CTIF: variants seen among roughly 807,000 people sequenced by gnomAD.
CTIF encodes the protein CBP80/20-dependent translation initiation factor.
A neutral mutation model predicts 66.0 loss-of-function variants in CTIF; 21 were observed. That is an observed-to-expected ratio of 0.32 (90% CI 0.23 to 0.46). The LOEUF (loss-of-function observed/expected upper bound fraction) is 0.46. CTIF is among the 20% of genes least tolerant of loss of function. The pLI is 1.00. For synonymous variants in CTIF, 345 were observed against 326.4 expected, an observed-to-expected ratio of 1.06 and a Z score of -0.62; for missense variants, 739 against 812.7, an observed-to-expected ratio of 0.91 and a Z score of 1.10.
chr18:48,568,679 G>A (rs1224647903), intron 1 of CTIF, among the ~76,000 whole-genome samples: 12 of 71,778 alleles, frequency 1.7e-4, no homozygotes, highest in African/African-American at 4.1e-4. Context: ...GAGGTTTAAT[G>A]GACTCACAGT....
At chr18:48,696,575 T>A (rs1025186578) in intron 6 of CTIF, among the ~76,000 whole-genome samples, 7 of 152,374 alleles carry the variant, frequency 4.6e-5, no homozygotes, top group African/African-American at 1.7e-4. Context: ...CCCTTCTCTT[T>A]GCAAGCTGAT....
chr18:48,540,732 G>GT (rs1467728729), intron 1 of CTIF, among the ~76,000 whole-genome samples: 3 of 152,068 alleles, frequency 2.0e-5, no homozygotes, highest in Non-Finnish European at 4.4e-5. Flanking sequence ...TCCGGTGTGT[G>GT]TGGGGGGCGG....
At chr18:48,839,811 A>T (rs1348451180) in intron 10 of CTIF, among the ~76,000 whole-genome samples, 2 of 151,964 alleles carry the variant, frequency 1.3e-5, no homozygotes, top group Non-Finnish European at 2.9e-5. Flanking sequence ...GAGAAGTTGG[A>T]CTTGTTGTGC....
At chr18:48,744,761 G>A (rs961319749) in intron 7 of CTIF, among the ~76,000 whole-genome samples, 5 of 151,964 alleles carry the variant, frequency 3.3e-5, no homozygotes, top group African/African-American at 1.2e-4. Flanking sequence ...CTAGACTGTG[G>A]GCTGCATTCG....
intron 1 of CTIF, among the ~76,000 whole-genome samples, chr18:48,594,862 A>G (rs896235175): frequency 6.6e-6 from 1 of 152,192 alleles, no homozygotes; most frequent in African/African-American, 2.4e-5. Flanking sequence ...GCATGCCCTG[A>G]GGATGTGCTG....
At chr18:48,603,166 T>TGGATGGATGGG (rs2090129693) in intron 1 of CTIF, among the ~76,000 whole-genome samples, 1 of 81,218 alleles carries the variant, frequency 1.2e-5, no homozygotes, top group Non-Finnish European at 2.5e-5. Context: ...GGATGGATGG[T>TGGATGGATGGG]TGGATGGATA....
At chr18:48,585,527 C>T (rs907914618) in intron 1 of CTIF, among the ~76,000 whole-genome samples, 3 of 152,150 alleles carry the variant, frequency 2.0e-5, no homozygotes, top group African/African-American at 7.2e-5. Context: ...GCCTGGACAC[C>T]CACACCATCC....
At chr18:48,828,252 C>T (rs1301194246) in intron 10 of CTIF, among the ~76,000 whole-genome samples, 1 of 152,106 alleles carries the variant, frequency 6.6e-6, no homozygotes, top group African/African-American at 2.4e-5. Flanking sequence ...ATTTCTAAAC[C>T]AATCTCAACA....
intron 1 of CTIF, among the ~76,000 whole-genome samples, chr18:48,590,034 G>A (rs2089855780): frequency 6.6e-6 from 1 of 152,198 alleles, no homozygotes; most frequent in African/African-American, 2.4e-5. Context: ...TGATTGCTCT[G>A]GAAGTTCATT....
chr18:48,743,147 G>A (rs934293136), intron 7 of CTIF, among the ~76,000 whole-genome samples: 4 of 152,184 alleles, frequency 2.6e-5, no homozygotes, highest in African/African-American at 7.2e-5. Context: ...TGCTCTGGCC[G>A]GATCTGCAAG....
At chr18:48,776,972 T>A (rs1227691639) in intron 9 of CTIF, among the ~76,000 whole-genome samples, 1 of 152,210 alleles carries the variant, frequency 6.6e-6, no homozygotes, top group African/African-American at 2.4e-5. Context: ...TCCTCACCCA[T>A]AAAACATGGA....
chr18:48,628,569 C>T (rs576253746), intron 2 of CTIF, among the ~76,000 whole-genome samples: 2 of 152,268 alleles, frequency 1.3e-5, no homozygotes, highest in African/African-American at 4.8e-5. Flanking sequence ...TTGAAACAGG[C>T]AGCCTGTCTC....
At chr18:48,858,005 G>A (rs2146679326) in intron 11 of CTIF, among the ~76,000 whole-genome samples, 1 of 152,350 alleles carries the variant, frequency 6.6e-6, no homozygotes, top group East Asian at 1.9e-4. Flanking sequence ...GCTAATGCTT[G>A]GCAATGCAGT....
At chr18:48,800,960 G>A (rs2068037189) in intron 9 of CTIF, among the ~76,000 whole-genome samples, 1 of 152,264 alleles carries the variant, frequency 6.6e-6, no homozygotes, top group African/African-American at 2.4e-5. Context: ...GGATCCAGGA[G>A]CTTTGAGTCT....
At chr18:48,806,735 T>C (rs1043198223) in intron 9 of CTIF, among the ~76,000 whole-genome samples, 2 of 152,226 alleles carry the variant, frequency 1.3e-5, no homozygotes, top group African/African-American at 4.8e-5. Flanking sequence ...GCTTGGCCAC[T>C]GCGCTCCACC....
intron 1 of CTIF, among the ~76,000 whole-genome samples, chr18:48,610,736 C>T (rs895453361): frequency 1.3e-5 from 2 of 152,268 alleles, no homozygotes; most frequent in Non-Finnish European, 2.9e-5. Context: ...TGGTCCAGCT[C>T]CTCAGTGACT....
chr18:48,708,874 C>G (rs186984183), intron 6 of CTIF, among the ~76,000 whole-genome samples: 104 of 152,262 alleles, frequency 6.8e-4, no homozygotes, highest in African/African-American at 2.4e-3. Context: ...CTGCTGGACT[C>G]TTTTCCAAGG....
At chr18:48,670,483 G>T in intron 5 of CTIF, 186 bp from the exon 6 acceptor site, 1 of 447,356 alleles carries the variant, frequency 2.2e-6, no homozygotes, top group South Asian at 2.2e-5. Flanking sequence ...CATTACGGGA[G>T]GACCCCCCCC....
At chr18:48,561,235 C>CAA (rs36056519) in intron 1 of CTIF, among the ~76,000 whole-genome samples, 38,969 of 91,978 alleles carry the variant, frequency 0.42, 9,518 homozygotes, top group East Asian at 0.83. Flanking sequence ...GACTCTGTCT[C>CAA]AAAAAAAAAA....
Sources: gnomAD v4.1 joint callset for allele counts (sites outside exome capture counted in the v4.1 genomes callset) on GRCh38, gnomAD v4.1.1 for gene constraint, MANE v1.5 for transcripts, NCBI Gene and HGNC (gene_info 2026-07-23, HGNC 2026-07-21) for gene names.